ANO10: variants seen among roughly 807,000 people sequenced by gnomAD.
The protein encoded by ANO10 is anoctamin 10.
In ANO10, 77 loss-of-function variants were observed where a neutral mutation model predicts 74.7. The observed-to-expected ratio is 1.03, with a 90% CI of 0.86 to 1.25. The LOEUF (loss-of-function observed/expected upper bound fraction) is 1.25, where lower values mean the gene tolerates loss of function less well. Ranked by LOEUF, ANO10 falls within the 50% of genes most tolerant of loss-of-function variation. ANO10 has a pLI of 0.00. For missense variants in ANO10, 721 were observed against 778.1 expected, an observed-to-expected ratio of 0.93 and a Z score of 0.87; for synonymous variants, 279 against 284.9, an observed-to-expected ratio of 0.98 and a Z score of 0.21.
At chr3:43,552,728 A>G (rs1055854013) in intron 10 of ANO10, among the ~76,000 whole-genome samples, 2 of 100,196 alleles carry the variant, frequency 2.0e-5, no homozygotes, top group African/African-American at 3.8e-5. Context: ...ATATATATAT[A>G]TGTATGTATG....
chr3:43,671,213 G>A (rs1162498311), intron 1 of ANO10, among the ~76,000 whole-genome samples: 1 of 152,096 alleles, frequency 6.6e-6, no homozygotes, highest in Non-Finnish European at 1.5e-5. Context: ...AGTTTATTTG[G>A]TCCCCACAGT....
At chr3:43,504,601 A>G (rs2077225896) in intron 11 of ANO10, among the ~76,000 whole-genome samples, 1 of 152,144 alleles carries the variant, frequency 6.6e-6, no homozygotes, top group Admixed American at 6.6e-5. Context: ...TAGAGGAAAA[A>G]GCCTTTTCAA....
chr3:43,451,042 C>G (rs570892662), intron 11 of ANO10, among the ~76,000 whole-genome samples: 109 of 152,296 alleles, frequency 7.2e-4, no homozygotes, highest in African/African-American at 7.9e-4. Flanking sequence ...CAAAGTATAT[C>G]ACAGCACATA....
intron 12 of ANO10, among the ~76,000 whole-genome samples, chr3:43,432,084 A>G (rs2092991283): frequency 6.6e-6 from 1 of 151,260 alleles, no homozygotes; most frequent in African/African-American, 2.4e-5. Context: ...TCCTACAAGC[A>G]GAAAATCACC....
At chr3:43,462,103 C>A (rs2075404169) in intron 11 of ANO10, among the ~76,000 whole-genome samples, 1 of 152,136 alleles carries the variant, frequency 6.6e-6, no homozygotes, top group African/African-American at 2.4e-5. Flanking sequence ...TGGCATTTTG[C>A]CCCTGCCCTA....
chr3:43,680,013 C>T (rs1192890423), intron 1 of ANO10, among the ~76,000 whole-genome samples: 1 of 152,170 alleles, frequency 6.6e-6, no homozygotes, highest in Non-Finnish European at 1.5e-5. Flanking sequence ...ACTGGAAACT[C>T]TAAAAATCAG....
At chr3:43,371,991 G>A (rs1005966867) in intron 12 of ANO10, among the ~76,000 whole-genome samples, 15 of 152,194 alleles carry the variant, frequency 9.9e-5, no homozygotes, top group African/African-American at 3.4e-4. Context: ...GTGAGTAGAG[G>A]GGCAGGAAGG....
At chr3:43,419,425 T>C (rs1268937156) in intron 12 of ANO10, among the ~76,000 whole-genome samples, 1 of 152,232 alleles carries the variant, frequency 6.6e-6, no homozygotes, top group African/African-American at 2.4e-5. Context: ...ATCATTTCTA[T>C]AGAATTTTTC....
At chr3:43,625,510 C>G (rs1322826016), upstream of ANO10, among the ~76,000 whole-genome samples, 2 of 152,174 alleles carry the variant, frequency 1.3e-5, no homozygotes, top group Non-Finnish European at 2.9e-5. Context: ...CAGTAGCAGA[C>G]ATGGGCAGCA....
intron 1 of ANO10, among the ~76,000 whole-genome samples, chr3:43,616,624 T>C (rs1391785735): frequency 6.6e-6 from 1 of 152,192 alleles, no homozygotes; most frequent in Non-Finnish European, 1.5e-5. Flanking sequence ...GGACATAAGA[T>C]GCTCTTGGAG....
At chr3:43,596,929 C>T (rs1300918099) in intron 4 of ANO10, among the ~76,000 whole-genome samples, 1 of 152,142 alleles carries the variant, frequency 6.6e-6, no homozygotes, top group African/African-American at 2.4e-5. Context: ...AAAAATCAAA[C>T]AACCCCATCG....
chr3:43,626,978 C>A (rs1330012867), upstream of ANO10, among the ~76,000 whole-genome samples: 1 of 128,520 alleles, frequency 7.8e-6, no homozygotes, highest in African/African-American at 2.9e-5. Flanking sequence ...ACAATAGCAG[C>A]CATTGAAGAC....
chr3:43,552,697 G>T (rs1285775960), intron 10 of ANO10, among the ~76,000 whole-genome samples: 80 of 124,486 alleles, frequency 6.4e-4, no homozygotes, highest in Admixed American at 1.2e-3. Flanking sequence ...ATTATCTCTG[G>T]ATATATATAT....
chr3:43,539,471 C>A (rs1423186452), intron 11 of ANO10, among the ~76,000 whole-genome samples: 1 of 152,118 alleles, frequency 6.6e-6, no homozygotes, highest in African/African-American at 2.4e-5. Flanking sequence ...AACTGTCATG[C>A]AAGAATGAGG....
intron 11 of ANO10, among the ~76,000 whole-genome samples, chr3:43,458,320 A>C (rs1056446095): frequency 3.3e-5 from 5 of 152,172 alleles, no homozygotes; most frequent in African/African-American, 9.7e-5. Context: ...ACACTTTATA[A>C]AAATCTGTTC....
chr3:43,504,650 AT>A lies in ANO10; in HGVS notation c.1797+45069del, dbSNP rs541524469. Among the ~76,000 whole-genome samples the A allele has an allele frequency of 6.0e-4, 89 of 148,992 alleles. 1 individual carries two copies. The highest frequency in any genetic ancestry group is 1.9e-3 in the African/African-American group (75 of 39,902). ...AAATGACAGAAATAATTATTTATTT[AT>A]TTTTTTTTTGAGACAGAGTCTCACT... On this transcript the variant is annotated intron_variant, in intron 11 of 12. Coordinates refer to ENST00000292246, the MANE Select transcript of ANO10 (RefSeq NM_018075.5).
At chr3:43,665,327 G>A (rs2083977007) in intron 1 of ANO10, among the ~76,000 whole-genome samples, 1 of 152,054 alleles carries the variant, frequency 6.6e-6, no homozygotes, top group African/African-American at 2.4e-5. Context: ...TGAACAATGA[G>A]AACACATGGA....
chr3:43,688,962 A>G (rs558488074), intron 1 of ANO10, among the ~76,000 whole-genome samples: 17 of 152,318 alleles, frequency 1.1e-4, no homozygotes, highest in Admixed American at 9.1e-4. Context: ...GAAAGGCCAC[A>G]GGGAGCATTT....
At chr3:43,635,661 C>T (rs543841947) in intron 1 of ANO10, among the ~76,000 whole-genome samples, 1 of 149,498 alleles carries the variant, frequency 6.7e-6, no homozygotes, top group Non-Finnish European at 1.5e-5. Flanking sequence ...CGCTCTTTTA[C>T]CAGACTGGAG....
Sources: allele counts gnomAD v4.1 joint callset (sites outside exome capture counted in the v4.1 genomes callset), GRCh38; gene constraint gnomAD v4.1.1; transcripts MANE v1.5; gene names NCBI Gene and HGNC (gene_info 2026-07-23, HGNC 2026-07-21).